KCNMA1: variants seen among roughly 807,000 people sequenced by gnomAD.
The protein encoded by KCNMA1 is Calcium-activated potassium channel subunit alpha-1.
Under a neutral mutation model 140.0 loss-of-function variants are expected in KCNMA1, and 29 were observed. The ratio of observed to expected loss-of-function variants is 0.21; its 90% CI spans 0.15 to 0.28. The LOEUF is 0.28. Ranked by LOEUF, KCNMA1 falls within the 10% of genes least tolerant of loss-of-function variation. KCNMA1 has a pLI of 1.00. For synonymous variants in KCNMA1, 612 were observed against 611.9 expected, an observed-to-expected ratio of 1.00 and a Z score of 0.00; for missense variants, 880 against 1,602.2, an observed-to-expected ratio of 0.55 and a Z score of 7.70.
intron 1 of KCNMA1, among the ~76,000 whole-genome samples, chr10:77,416,792 C>A (rs557691377): frequency 2.8e-4 from 42 of 152,298 alleles, no homozygotes; most frequent in Middle Eastern, 3.4e-3. Flanking sequence ...ACCTAGCACA[C>A]GGTGAGCATT....
intron 2 of KCNMA1, among the ~76,000 whole-genome samples, chr10:77,331,331 T>C (rs1317066353): frequency 1.3e-5 from 2 of 152,182 alleles, no homozygotes; most frequent in South Asian, 2.1e-4. Flanking sequence ...TTATGATATA[T>C]GGCATGATGG....
At chr10:76,966,508 A>G (rs1021257356) in intron 20 of KCNMA1, among the ~76,000 whole-genome samples, 4 of 152,262 alleles carry the variant, frequency 2.6e-5, no homozygotes, top group South Asian at 4.1e-4. Flanking sequence ...TTGAAGGTTC[A>G]TAGGGTTGGT....
At chr10:77,611,260 G>A (rs1367940856) in intron 1 of KCNMA1, among the ~76,000 whole-genome samples, 3 of 152,226 alleles carry the variant, frequency 2.0e-5, no homozygotes, top group Non-Finnish European at 2.9e-5. Context: ...ACCTGTGCTA[G>A]GAATGCTGGT....
intron 1 of KCNMA1, among the ~76,000 whole-genome samples, chr10:77,426,301 C>CT (rs11287601): frequency 5.3e-5 from 8 of 152,012 alleles, no homozygotes; most frequent in African/African-American, 2.4e-5. Context: ...GCTTATATGA[C>CT]TTTTTTTTGT....
At chr10:77,571,655 A>T (rs902152508) in intron 1 of KCNMA1, among the ~76,000 whole-genome samples, 2 of 152,098 alleles carry the variant, frequency 1.3e-5, no homozygotes, top group Non-Finnish European at 2.9e-5. Context: ...TTCAGACAGA[A>T]ATCTCATTTC....
chr10:77,239,783 T>C (rs574130304), intron 3 of KCNMA1, among the ~76,000 whole-genome samples: 1 of 152,348 alleles, frequency 6.6e-6, no homozygotes. Context: ...GGGAAAAGTC[T>C]AAGTATGCCT....
At chr10:76,947,251 C>T (rs559276509) in intron 22 of KCNMA1, among the ~76,000 whole-genome samples, 25 of 152,186 alleles carry the variant, frequency 1.6e-4, no homozygotes, top group South Asian at 4.2e-4. Context: ...GCAGGAGAAT[C>T]GCTTGAACCC....
At chr10:77,462,067 C>CACACAT (rs1334531976) in intron 1 of KCNMA1, among the ~76,000 whole-genome samples, 1 of 151,738 alleles carries the variant, frequency 6.6e-6, no homozygotes, top group East Asian at 1.9e-4. Flanking sequence ...ACAACACAGA[C>CACACAT]ACACATACAC....
chr10:77,203,349 T>C lies in KCNMA1; in HGVS notation c.603-18433A>G, dbSNP rs78926353. Among the ~76,000 whole-genome samples, 102 of 152,258 alleles carry C rather than the reference T, an allele frequency of 6.7e-4. 1 individual carries two copies. Among genetic ancestry groups the C allele is most frequent in the Middle Eastern group, 3.4e-3 (1 of 294 alleles). ...CGGGCTGCTGCATTCACTCCTCTGT[T>C]TCACACCCATGCTATTCCCTTGCAA... is the stretch of plus-strand genomic sequence containing the variant. On this transcript the variant is annotated intron_variant, in intron 3 of 27. Transcript: ENST00000286628.
At chr10:77,265,365 C>A (rs2063150450) in intron 2 of KCNMA1, among the ~76,000 whole-genome samples, 1 of 152,132 alleles carries the variant, frequency 6.6e-6, no homozygotes, top group African/African-American at 2.4e-5. Context: ...ATGTGCATTT[C>A]TAATAAGTTT....
chr10:76,901,746 T>G (rs891342479), intron 25 of KCNMA1: 38 of 152,362 alleles, frequency 2.5e-4, no homozygotes, highest in African/African-American at 9.1e-4. Flanking sequence ...CATAATTGTC[T>G]GCTCTCTGAG....
At position 77,536,693 on chromosome 10, in the gene KCNMA1, G is replaced by A. The variant is rs76654683; in HGVS notation, c.378+100572C>T. Reference sequence around the variant, plus strand: ...GTTGGAATTGGGTACTCTGTCTCCCGCACTCTGATATGTCTGTCAGCTGGA... The same window carrying A: ...GTTGGAATTGGGTACTCTGTCTCCCACACTCTGATATGTCTGTCAGCTGGA... On this transcript the variant is annotated intron_variant, in intron 1 of 27. Transcript: ENST00000286628. 2.3e-3 allele frequency among the ~76,000 whole-genome samples: 351 copies of A among 152,212 alleles called. 2 individuals are homozygous for A. The highest frequency in any genetic ancestry group is 7.8e-3 in the African/African-American group (322 of 41,518).
intron 1 of KCNMA1, among the ~76,000 whole-genome samples, chr10:77,421,366 T>C (rs954071357): frequency 6.6e-6 from 1 of 152,254 alleles, no homozygotes; most frequent in Non-Finnish European, 1.5e-5. Flanking sequence ...ATGTGGTCTT[T>C]GCACTGCTCC....
At chr10:76,896,205 TC>T (rs768970779) in intron 25 of KCNMA1, among the ~76,000 whole-genome samples, 1 of 152,168 alleles carries the variant, frequency 6.6e-6, no homozygotes, top group Non-Finnish European at 1.5e-5. Context: ...TTTTAGAGGC[TC>T]CTCCTGGGAA....
intron 1 of KCNMA1, among the ~76,000 whole-genome samples, chr10:77,598,711 G>T (rs780606727): frequency 8.5e-5 from 13 of 152,194 alleles, no homozygotes; most frequent in Non-Finnish European, 1.5e-4. Flanking sequence ...CCCAGGCCAC[G>T]CCAAACAACC....
In KCNMA1 at chr10:77,374,493, T is replaced by C. The variant is rs573600719; in HGVS notation, c.540+29369A>G. ...ATTTACAGCTCACAACTCACTGCTCTCTAAACATTTACACATTTCTCCCTC... is the reference window on the plus strand; with the variant it reads ...ATTTACAGCTCACAACTCACTGCTCCCTAAACATTTACACATTTCTCCCTC... On this transcript the variant is annotated intron_variant, in intron 2 of 27. Transcript: ENST00000286628. 3.9e-5 allele frequency among the ~76,000 whole-genome samples: 6 copies of C among 152,358 alleles called. No homozygotes were observed. The East Asian group carries it at 1.2e-3, about 29-fold the overall frequency.
At chr10:76,894,237 T>C (rs1342411185) in intron 25 of KCNMA1, among the ~76,000 whole-genome samples, 2 of 152,190 alleles carry the variant, frequency 1.3e-5, no homozygotes, top group Non-Finnish European at 2.9e-5. Context: ...GTTAATATAG[T>C]CTTTTAAACA....
At chr10:77,204,239 T>C (rs1384537757) in intron 3 of KCNMA1, among the ~76,000 whole-genome samples, 1 of 152,148 alleles carries the variant, frequency 6.6e-6, no homozygotes, top group South Asian at 2.1e-4. Context: ...CAGGGGAGTT[T>C]CAGGTTATCT....
At chr10:77,538,058 T>TAC (rs1318368268) in intron 1 of KCNMA1, among the ~76,000 whole-genome samples, 1 of 151,140 alleles carries the variant, frequency 6.6e-6, no homozygotes, top group Non-Finnish European at 1.5e-5. Flanking sequence ...TCACATACTC[T>TAC]ACACACACAC....
Sources: gnomAD v4.1 joint callset for allele counts (sites outside exome capture counted in the v4.1 genomes callset) on GRCh38, gnomAD v4.1.1 for gene constraint, MANE v1.5 for transcripts, NCBI Gene and HGNC (gene_info 2026-07-23, HGNC 2026-07-21) for gene names.